Variants in ROBO1 observed in about 807,000 individuals in gnomAD.
The protein encoded by ROBO1 is roundabout homolog 1.
ROBO1 carries 149 observed loss-of-function variants against 195.9 expected under a neutral mutation model. That is an observed-to-expected ratio of 0.76 (90% CI 0.67 to 0.87). The LOEUF is 0.87. Among genes scored for constraint, ROBO1 ranks in the 40% least tolerant of loss-of-function variants. The pLI is 0.00. For synonymous variants in ROBO1, 816 were observed against 733.2 expected, an observed-to-expected ratio of 1.11 and a Z score of -1.82; for missense variants, 1,933 against 2,068.3, an observed-to-expected ratio of 0.93 and a Z score of 1.27.
intron 8 of ROBO1, among the ~76,000 whole-genome samples, chr3:78,712,282 A>T (rs1575997880): frequency 6.6e-6 from 1 of 152,166 alleles, no homozygotes; most frequent in South Asian, 2.1e-4. Flanking sequence ...CCTTTTAAAA[A>T]TGAGCTATAC....
intron 3 of ROBO1, among the ~76,000 whole-genome samples, chr3:79,072,331 A>C (rs538547865): frequency 6.6e-6 from 1 of 152,054 alleles, no homozygotes; most frequent in Non-Finnish European, 1.5e-5. Flanking sequence ...ACAAGTTTTA[A>C]AAATTAACAT....
intron 4 of ROBO1, among the ~76,000 whole-genome samples, chr3:78,875,386 C>T (rs950689034): frequency 6.6e-6 from 1 of 151,704 alleles, no homozygotes; most frequent in African/African-American, 2.4e-5. Context: ...AGAGCAAAAG[C>T]AAACTCAACA....
At position 79,006,190 on chromosome 3, in the gene ROBO1, G is replaced by T. The variant is rs376572350; in HGVS notation, c.173-67263C>A. Among the ~76,000 whole-genome samples, 420 of 152,150 alleles carry T rather than the reference G, an allele frequency of 2.8e-3. 3 individuals are homozygous for T. The highest frequency in any genetic ancestry group is 9.7e-3 in the African/African-American group (402 of 41,518). The stretch of plus-strand genomic sequence containing the variant: ...TTTGTTTGTTAGCTTTAGGACAAAA[G>T]AATAAACATAAACAGTAAAACTGAT... On this transcript the variant is annotated intron_variant, in intron 3 of 30. Transcript: ENST00000464233.
chr3:79,738,777 A>G (rs1407306113), intron 1 of ROBO1, among the ~76,000 whole-genome samples: 1 of 152,168 alleles, frequency 6.6e-6, no homozygotes, highest in Non-Finnish European at 1.5e-5. Flanking sequence ...TTTTGTTCAT[A>G]TATTTCATTC....
At chr3:79,271,690 A>ATG (rs1424166546) in intron 2 of ROBO1, among the ~76,000 whole-genome samples, 2 of 151,814 alleles carry the variant, frequency 1.3e-5, no homozygotes, top group Admixed American at 6.6e-5. Context: ...ATGTATGTAT[A>ATG]TGTGTATATA....
Position 79,537,037 on chromosome 3 carries a change from A to ATTT in ROBO1, c.88+52784_88+52786dup, listed in dbSNP as rs35483494. On this transcript the variant is annotated intron_variant, in intron 2 of 30. Coordinates refer to ENST00000464233, the MANE Select transcript of ROBO1 (RefSeq NM_002941.4). ...TTATACTCACAGTAAAAGAAACAAT[A>ATTT]TTTTTTTTTAAGAGGAAAACCTAGA... Among the ~76,000 whole-genome samples the ATTT allele has an allele frequency of 1.3e-3, 196 of 150,974 alleles. 1 individual carries two copies. Among genetic ancestry groups the ATTT allele is most frequent in the Non-Finnish European group, 2.0e-3 (136 of 67,710 alleles).
chr3:78,759,480 T>A (rs542346191), intron 4 of ROBO1: 97 of 152,186 alleles, frequency 6.4e-4, no homozygotes, highest in African/African-American at 2.3e-3. Context: ...AGTTAAAAAA[T>A]AAAATCATTT....
At chr3:79,663,912 T>C (rs1349101591) in intron 1 of ROBO1, among the ~76,000 whole-genome samples, 1 of 152,042 alleles carries the variant, frequency 6.6e-6, no homozygotes, top group Non-Finnish European at 1.5e-5. Flanking sequence ...TTTACACTAA[T>C]TGGTTCAAAT....
At chr3:79,714,767 A>G (rs1702415457) in intron 1 of ROBO1, among the ~76,000 whole-genome samples, 1 of 149,250 alleles carries the variant, frequency 6.7e-6, no homozygotes, top group Admixed American at 6.7e-5. Context: ...CAAACAACGC[A>G]TGTTCTCACT....
intron 3 of ROBO1, among the ~76,000 whole-genome samples, chr3:79,115,373 T>C (rs1023078355): frequency 6.6e-6 from 1 of 152,072 alleles, no homozygotes; most frequent in African/African-American, 2.4e-5. Flanking sequence ...ATCCTTTGAA[T>C]GATTTCAAAA....
intron 2 of ROBO1, among the ~76,000 whole-genome samples, chr3:79,203,534 C>T (rs1403254621): frequency 6.6e-6 from 1 of 152,112 alleles, no homozygotes. Context: ...AGAAGTCCCT[C>T]GGAAAGGGAT....
intron 2 of ROBO1, among the ~76,000 whole-genome samples, chr3:79,588,727 G>A (rs909065994): frequency 2.0e-5 from 3 of 151,698 alleles, no homozygotes; most frequent in Admixed American, 6.6e-5. Context: ...ATAAGAATAC[G>A]TAGTAATTTT....
At chr3:79,102,151 A>G (rs1422116726) in intron 3 of ROBO1, among the ~76,000 whole-genome samples, 1 of 151,862 alleles carries the variant, frequency 6.6e-6, no homozygotes, top group African/African-American at 2.4e-5. Flanking sequence ...TTCTCAGGAA[A>G]TAATACCTTT....
At chr3:79,025,870 C>T (rs549306345) in intron 3 of ROBO1, among the ~76,000 whole-genome samples, 1 of 152,242 alleles carries the variant, frequency 6.6e-6, no homozygotes, top group African/African-American at 2.4e-5. Context: ...CAACTTTTCC[C>T]AGAAGACTCC....
chr3:78,789,328 A>T (rs966296449), intron 4 of ROBO1, among the ~76,000 whole-genome samples: 5 of 152,194 alleles, frequency 3.3e-5, no homozygotes, highest in Non-Finnish European at 7.3e-5. Flanking sequence ...ACCCGACTTC[A>T]ACTTTTCGCT....
At chr3:79,705,147 T>G (rs1947730218) in intron 1 of ROBO1, among the ~76,000 whole-genome samples, 1 of 152,016 alleles carries the variant, frequency 6.6e-6, no homozygotes, top group African/African-American at 2.4e-5. Context: ...CTCGTTCTCT[T>G]GAAAGTCTCT....
chr3:79,009,056 T>C (rs1393556435), intron 3 of ROBO1, among the ~76,000 whole-genome samples: 1 of 150,228 alleles, frequency 6.7e-6, no homozygotes, highest in African/African-American at 2.4e-5. Flanking sequence ...CTCTCCTGCC[T>C]CGGCCTCCGG....
chr3:79,241,540 G>A (rs1046360898), intron 2 of ROBO1, among the ~76,000 whole-genome samples: 4 of 151,852 alleles, frequency 2.6e-5, no homozygotes, highest in African/African-American at 9.7e-5. Context: ...ACATTGCCTG[G>A]CACATAACCA....
chr3:79,712,436 C>T (rs1256403905), intron 1 of ROBO1, among the ~76,000 whole-genome samples: 1 of 152,112 alleles, frequency 6.6e-6, no homozygotes, highest in Non-Finnish European at 1.5e-5. Context: ...TAGAGCAAGG[C>T]TCTAACTCTC....
Sources: allele counts gnomAD v4.1 joint callset (sites outside exome capture counted in the v4.1 genomes callset), GRCh38; gene constraint gnomAD v4.1.1; transcripts MANE v1.5; gene names NCBI Gene and HGNC (gene_info 2026-07-23, HGNC 2026-07-21).